The following PTPRD variants were observed in gnomAD, a reference collection of about 807,000 sequenced individuals.
PTPRD encodes the protein protein tyrosine phosphatase receptor type D.
In PTPRD, 34 loss-of-function variants were observed where a neutral mutation model predicts 214.5. That is an observed-to-expected ratio of 0.16 (90% CI 0.12 to 0.21). The LOEUF (loss-of-function observed/expected upper bound fraction) is 0.21. Among genes scored for constraint, PTPRD ranks in the 10% least tolerant of loss-of-function variants. The pLI, the probability that PTPRD is intolerant of heterozygous loss-of-function variation, is 1.00. For missense variants in PTPRD, 2,545 were observed against 2,398.7 expected, an observed-to-expected ratio of 1.06 and a Z score of -1.27; for synonymous variants, 1,128 against 845.7, an observed-to-expected ratio of 1.33 and a Z score of -5.79.
chr9:10,507,434 A>G (rs565240757), intron 2 of PTPRD, among the ~76,000 whole-genome samples: 81 of 152,290 alleles, frequency 5.3e-4, no homozygotes, highest in Middle Eastern at 3.4e-3. Context: ...TCTTCACAGA[A>G]TTGGAAAAAA....
intron 5 of PTPRD, among the ~76,000 whole-genome samples, chr9:9,824,161 T>C (rs992340752): frequency 6.1e-5 from 9 of 147,900 alleles, no homozygotes; most frequent in African/African-American, 2.1e-4. Context: ...CAAAGGTATC[T>C]CATTATGTAT....
intron 30 of PTPRD, 58 bp from the exon 31 acceptor site, chr9:8,471,143 T>C: frequency 6.9e-7 from 1 of 1,448,660 alleles, no homozygotes; most frequent in Non-Finnish European, 9.7e-7. Flanking sequence ...AACGTGGATA[T>C]ACCCTTAAAC....
chr9:8,937,476 G>C (rs1053364123), intron 11 of PTPRD, among the ~76,000 whole-genome samples: 1 of 152,138 alleles, frequency 6.6e-6, no homozygotes, highest in African/African-American at 2.4e-5. Context: ...TTGGATGACT[G>C]TCATAAATCA....
chr9:8,903,160 T>C (rs2098683623), intron 11 of PTPRD, among the ~76,000 whole-genome samples: 1 of 152,056 alleles, frequency 6.6e-6, no homozygotes, highest in African/African-American at 2.4e-5. Context: ...TTTTTTTTAA[T>C]TCAAATTTTA....
intron 2 of PTPRD, among the ~76,000 whole-genome samples, chr9:10,367,810 CA>C (rs1239395245): frequency 6.6e-6 from 1 of 152,012 alleles, no homozygotes; most frequent in African/African-American, 2.4e-5. Flanking sequence ...TAAATTCAGA[CA>C]ATGCTTGATT....
intron 5 of PTPRD, among the ~76,000 whole-genome samples, chr9:9,833,832 G>C (rs1399857989): frequency 6.6e-6 from 1 of 152,032 alleles, no homozygotes; most frequent in Non-Finnish European, 1.5e-5. Context: ...CCGGTGGTCA[G>C]AGCTTAAGGT....
At chr9:10,146,546 T>C (rs2099024150) in intron 3 of PTPRD, among the ~76,000 whole-genome samples, 1 of 152,098 alleles carries the variant, frequency 6.6e-6, no homozygotes, top group Admixed American at 6.6e-5. Flanking sequence ...AGATCATAGG[T>C]AAGTTGTATT....
At chr9:10,605,618 G>C (rs1013192474) in intron 2 of PTPRD, among the ~76,000 whole-genome samples, 1 of 151,782 alleles carries the variant, frequency 6.6e-6, no homozygotes. Flanking sequence ...CAGGATGACA[G>C]CAAAGGAGAA....
chr9:9,543,223 C>G (rs1382708767), intron 8 of PTPRD, among the ~76,000 whole-genome samples: 1 of 151,556 alleles, frequency 6.6e-6, no homozygotes, highest in East Asian at 1.9e-4. Flanking sequence ...TTTTAAGATT[C>G]CATTTACATG....
At chr9:10,454,954 G>C (rs1414528701) in intron 2 of PTPRD, among the ~76,000 whole-genome samples, 1 of 151,682 alleles carries the variant, frequency 6.6e-6, no homozygotes, top group Non-Finnish European at 1.5e-5. Context: ...AGAAATTAAA[G>C]TTGAGAGGAC....
intron 5 of PTPRD, among the ~76,000 whole-genome samples, chr9:9,848,494 T>C (rs1443722046): frequency 6.6e-6 from 1 of 152,108 alleles, no homozygotes; most frequent in East Asian, 1.9e-4. Context: ...CGTTTAATTC[T>C]CATAACTCAA....
chr9:10,323,627 G>C, intron 3 of PTPRD, among the ~76,000 whole-genome samples: 1 of 151,720 alleles, frequency 6.6e-6, no homozygotes, highest in Non-Finnish European at 1.5e-5. Flanking sequence ...GGAGAGAAAG[G>C]AGAGTCCACT....
At chr9:9,993,101 G>T (rs1289591146) in intron 4 of PTPRD, among the ~76,000 whole-genome samples, 2 of 152,056 alleles carry the variant, frequency 1.3e-5, no homozygotes, top group Non-Finnish European at 2.9e-5. Flanking sequence ...CTTTCCTTCT[G>T]GTCCAGCCTT....
intron 4 of PTPRD, among the ~76,000 whole-genome samples, chr9:9,947,063 A>G (rs1365116984): frequency 6.6e-6 from 1 of 150,888 alleles, no homozygotes; most frequent in Admixed American, 6.7e-5. Flanking sequence ...GCCCCAAAAT[A>G]CCACAAAAGA....
At chr9:10,035,669 T>C (rs2097167565) in intron 3 of PTPRD, among the ~76,000 whole-genome samples, 1 of 152,096 alleles carries the variant, frequency 6.6e-6, no homozygotes, top group South Asian at 2.1e-4. Flanking sequence ...CTTCCTTCAG[T>C]CTCACCACCC....
chr9:9,795,306 C>G (rs920804118), intron 5 of PTPRD, among the ~76,000 whole-genome samples: 1 of 152,084 alleles, frequency 6.6e-6, no homozygotes, highest in South Asian at 2.1e-4. Context: ...ACCTAACTAT[C>G]CCATTGTAGG....
At chr9:8,728,376 T>C (rs1427789385) in intron 12 of PTPRD, among the ~76,000 whole-genome samples, 1 of 152,220 alleles carries the variant, frequency 6.6e-6, no homozygotes, top group African/African-American at 2.4e-5. Context: ...TCTAAGAATT[T>C]TTGTGCAGAT....
At chr9:10,438,910 G>T (rs2098740361) in intron 2 of PTPRD, among the ~76,000 whole-genome samples, 1 of 151,606 alleles carries the variant, frequency 6.6e-6, no homozygotes, top group Non-Finnish European at 1.5e-5. Context: ...GTATGAGAGA[G>T]GTTCTGTAGA....
chr9:8,690,989 T>G (rs763603116), intron 12 of PTPRD, among the ~76,000 whole-genome samples: 1 of 152,132 alleles, frequency 6.6e-6, no homozygotes, highest in African/African-American at 2.4e-5. Flanking sequence ...TTAGTAAATT[T>G]CACAAAAGTA....
Sources: allele counts gnomAD v4.1 joint callset (sites outside exome capture counted in the v4.1 genomes callset), GRCh38; gene constraint gnomAD v4.1.1; transcripts MANE v1.5; gene names NCBI Gene and HGNC (gene_info 2026-07-23, HGNC 2026-07-21).